The following CAMTA1 variants were observed in gnomAD, a reference collection of about 807,000 sequenced individuals.
CAMTA1 encodes calmodulin-binding transcription activator 1.
CAMTA1 carries 27 observed loss-of-function variants against 170.9 expected under a neutral mutation model. The ratio of observed to expected loss-of-function variants is 0.16; its 90% CI spans 0.12 to 0.22. CAMTA1 has a LOEUF of 0.22. Among genes scored for constraint, CAMTA1 ranks in the 10% least tolerant of loss-of-function variants. The pLI is 1.00. For missense variants in CAMTA1, 1,619 were observed against 2,217.2 expected, an observed-to-expected ratio of 0.73 and a Z score of 5.42; for synonymous variants, 833 against 891.5, an observed-to-expected ratio of 0.93 and a Z score of 1.17.
chr1:7,340,850 G>C (rs529119931), intron 5 of CAMTA1, among the ~76,000 whole-genome samples: 2 of 152,164 alleles, frequency 1.3e-5, no homozygotes, highest in East Asian at 3.9e-4. Flanking sequence ...ATTCAGTGGA[G>C]GACAGGACAC....
chr1:7,227,162 ACT>A (rs1365910464), intron 4 of CAMTA1, among the ~76,000 whole-genome samples: 5 of 151,404 alleles, frequency 3.3e-5, no homozygotes, highest in Non-Finnish European at 7.4e-5. Context: ...GGTTTTCCAC[ACT>A]CTTCCTATCA....
intron 3 of CAMTA1, among the ~76,000 whole-genome samples, chr1:6,855,411 A>G (rs1661921345): frequency 6.6e-6 from 1 of 151,660 alleles, no homozygotes; most frequent in Non-Finnish European, 1.5e-5. Context: ...ACTTACAATC[A>G]TGGCAGAAGG....
intron 5 of CAMTA1, among the ~76,000 whole-genome samples, chr1:7,373,770 A>G (rs997856815): frequency 2.0e-5 from 3 of 152,240 alleles, no homozygotes; most frequent in African/African-American, 7.2e-5. Context: ...TACCCCATCA[A>G]TAGTGCAGTG....
chr1:6,854,593 AT>A (rs1370375903), intron 3 of CAMTA1, among the ~76,000 whole-genome samples: 7 of 152,234 alleles, frequency 4.6e-5, no homozygotes, highest in Non-Finnish European at 4.4e-5. Context: ...TAGACTGTAC[AT>A]TCTTTTCATA....
At chr1:6,969,026 G>A (rs2149571154) in intron 3 of CAMTA1, among the ~76,000 whole-genome samples, 1 of 152,280 alleles carries the variant, frequency 6.6e-6, no homozygotes, top group South Asian at 2.1e-4. Context: ...ACTTTATCGG[G>A]ACAGAGAGGG....
chr1:6,983,727 T>G (rs1382915354), intron 3 of CAMTA1, among the ~76,000 whole-genome samples: 1 of 150,924 alleles, frequency 6.6e-6, no homozygotes, highest in Admixed American at 6.6e-5. Flanking sequence ...AATGTATGGG[T>G]AGGGGGATGG....
chr1:7,458,208 C>T (rs2093006181), intron 5 of CAMTA1, among the ~76,000 whole-genome samples: 1 of 152,182 alleles, frequency 6.6e-6, no homozygotes, highest in African/African-American at 2.4e-5. Flanking sequence ...CTGTGTCCCT[C>T]CAGGGTGTGC....
chr1:7,226,246 G>A (rs529476010), intron 4 of CAMTA1, among the ~76,000 whole-genome samples: 15 of 151,884 alleles, frequency 9.9e-5, no homozygotes, highest in South Asian at 4.2e-4. Flanking sequence ...TCAAATTCCC[G>A]CCCCGCCACC....
chr1:6,842,099 C>T (rs1054344517), intron 3 of CAMTA1, among the ~76,000 whole-genome samples: 1 of 152,222 alleles, frequency 6.6e-6, no homozygotes, highest in African/African-American at 2.4e-5. Context: ...CTGCTCTTCT[C>T]TCCTCACCCG....
chr1:7,176,595 G>T (rs909443092), intron 4 of CAMTA1, among the ~76,000 whole-genome samples: 3 of 152,164 alleles, frequency 2.0e-5, no homozygotes, highest in African/African-American at 7.2e-5. Context: ...CAGCTCGTTC[G>T]CACTTTTTCC....
intron 6 of CAMTA1, among the ~76,000 whole-genome samples, chr1:7,620,321 AAG>A (rs776032595): frequency 3.3e-5 from 5 of 152,168 alleles, no homozygotes; most frequent in Non-Finnish European, 5.9e-5. Flanking sequence ...CCCCACAACA[AAG>A]AGTTATACAG....
intron 6 of CAMTA1, among the ~76,000 whole-genome samples, chr1:7,597,946 T>C (rs2095413168): frequency 6.6e-6 from 1 of 152,154 alleles, no homozygotes; most frequent in African/African-American, 2.4e-5. Context: ...ACTTTTTTTT[T>C]TTTTATACTT....
At chr1:7,749,904 A>G (rs2096883829) in intron 19 of CAMTA1, 1 of 413,720 alleles carries the variant, frequency 2.4e-6, no homozygotes, top group Non-Finnish European at 4.9e-6. Flanking sequence ...GAGTAAACAT[A>G]TCCCCCTTGC....
intron 6 of CAMTA1, among the ~76,000 whole-genome samples, chr1:7,569,321 TCAC>T (rs905038108): frequency 2.1e-5 from 3 of 143,516 alleles, no homozygotes; most frequent in African/African-American, 5.3e-5. Flanking sequence ...ACCATCATCA[TCAC>T]CACATCACCA....
Position 7,590,464 on chromosome 1 carries a change from G to T in CAMTA1, c.511-49936G>T, listed in dbSNP as rs1018869542. ...CCCCGCTGGCTCTTCAGGATTAAGG[G>T]CCAGGGAACCTGCAGTGGCCCCTTG... is the stretch of plus-strand genomic sequence containing the variant. On this transcript the variant is annotated intron_variant, in intron 6 of 22. Transcript: ENST00000303635. Among the ~76,000 whole-genome samples, 5 of 152,180 alleles carry T rather than the reference G, an allele frequency of 3.3e-5. No homozygotes were observed. The South Asian group carries it at 6.2e-4, about 19-fold the overall frequency.
At chr1:7,414,816 G>A (rs2091045009) in intron 5 of CAMTA1, among the ~76,000 whole-genome samples, 1 of 151,704 alleles carries the variant, frequency 6.6e-6, no homozygotes. Context: ...GAATGTGTTT[G>A]TTCTTGCTTT....
At chr1:7,103,900 A>T (rs896597628) in intron 4 of CAMTA1, among the ~76,000 whole-genome samples, 5 of 149,736 alleles carry the variant, frequency 3.3e-5, no homozygotes, top group African/African-American at 1.2e-4. Flanking sequence ...CACAACACAC[A>T]ACTACACGCG....
intron 3 of CAMTA1, among the ~76,000 whole-genome samples, chr1:6,913,989 C>T (rs1208759507): frequency 6.6e-6 from 1 of 151,966 alleles, no homozygotes; most frequent in South Asian, 2.1e-4. Context: ...CATATCATCT[C>T]GTACTGCTTT....
rs150424168 is a variant in CAMTA1, at chr1:7,005,843, G to A, written c.235-85461G>A. Among the ~76,000 whole-genome samples the A allele has an allele frequency of 5.3e-5, 8 of 152,320 alleles. No homozygotes were observed. In the East Asian group the frequency reaches 1.3e-3, roughly 26 times the overall value. On this transcript the variant is annotated intron_variant, in intron 3 of 22. Transcript: ENST00000303635. Reference sequence around the variant, plus strand: ...GTGTACTTGAGTACCAAATGGATGCGGCACTGAAACACATACAGCCATTTG... The same window carrying A: ...GTGTACTTGAGTACCAAATGGATGCAGCACTGAAACACATACAGCCATTTG...
Sources: allele counts gnomAD v4.1 joint callset (sites outside exome capture counted in the v4.1 genomes callset), GRCh38; gene constraint gnomAD v4.1.1; transcripts MANE v1.5; gene names NCBI Gene and HGNC (gene_info 2026-07-23, HGNC 2026-07-21).